Variants in MTHFD1L observed in about 807,000 individuals in gnomAD.
MTHFD1L encodes the protein methylenetetrahydrofolate dehydrogenase (NADP+ dependent) 1 like, also known as monofunctional C1-tetrahydrofolate synthase, mitochondrial.
MTHFD1L carries 81 observed loss-of-function variants against 119.5 expected under a neutral mutation model. The ratio of observed to expected loss-of-function variants is 0.68; its 90% CI spans 0.57 to 0.82. MTHFD1L has a LOEUF of 0.82. MTHFD1L is among the 40% of genes least tolerant of loss of function. MTHFD1L has a pLI of 0.00. For missense variants in MTHFD1L, 1,125 were observed against 1,253.4 expected (o/e 0.90, Z 1.55); for synonymous variants, 430 against 475.2 (o/e 0.90, Z 1.24).
chr6:150,916,480 TTTTTTTTTTTTTTTTTTTTG>T (rs1406165801), intron 8 of MTHFD1L, among the ~76,000 whole-genome samples: 1,373 of 51,556 alleles, frequency 0.027, 73 homozygotes, highest in East Asian at 0.061. Flanking sequence ...TTTTTTTTTT[TTTTTTTTTTTTTTTTTTTTG>T]GTATTTTTAG....
At chr6:151,057,274 C>T (rs1790085533) in intron 26 of MTHFD1L, 2 of 985,298 alleles carry the variant, frequency 2.0e-6, no homozygotes, top group Non-Finnish European at 2.4e-6. Context: ...AAATCAACCT[C>T]CCCTTTCTGG....
At position 150,937,032 on chromosome 6, in the gene MTHFD1L, C is replaced by T. The variant is rs1041762551; in HGVS notation, c.1393+92C>T. 9.6e-6 allele frequency: 14 copies of T among 1,458,162 alleles called. No individual in the cohort carries two copies. In the African/African-American group the frequency reaches 1.7e-4, roughly 18 times the overall value. 90.3% of individuals were successfully genotyped at this position (1,458,162 alleles called of 1,614,324 possible). A position where few individuals can be genotyped will look rare whatever the true frequency, so the allele number is the denominator to read the frequency against. On this transcript the variant is annotated intron_variant, in intron 12 of 27. Coordinates refer to ENST00000367321, the MANE Select transcript of MTHFD1L (RefSeq NM_015440.5). The stretch of plus-strand genomic sequence containing the variant: ...ATTGTCAACAGATAAAGAGTTAAGA[C>T]TTTTCAGGGGACTTGGTACATTTCT...
intron 26 of MTHFD1L, among the ~76,000 whole-genome samples, chr6:151,077,910 G>A (rs1457569605): frequency 6.6e-6 from 1 of 151,326 alleles, no homozygotes; most frequent in Non-Finnish European, 1.5e-5. Flanking sequence ...AATTAGCCGG[G>A]CGTGGTGGCA....
At chr6:150,934,160 T>G (rs1791648585) in intron 11 of MTHFD1L, among the ~76,000 whole-genome samples, 1 of 152,238 alleles carries the variant, frequency 6.6e-6, no homozygotes, top group Non-Finnish European at 1.5e-5. Flanking sequence ...TTACTAGCTG[T>G]GTGACTGTCG....
At chr6:151,083,841 A>C (rs1793465673) in intron 26 of MTHFD1L, among the ~76,000 whole-genome samples, 1 of 152,166 alleles carries the variant, frequency 6.6e-6, no homozygotes, top group Admixed American at 6.5e-5. Flanking sequence ...TTTAAGAAAA[A>C]AGCTCGAGTA....
chr6:151,089,638 G>A (rs1416303319), intron 26 of MTHFD1L, among the ~76,000 whole-genome samples: 1 of 152,174 alleles, frequency 6.6e-6, no homozygotes, highest in Non-Finnish European at 1.5e-5. Flanking sequence ...TAAGATGCCG[G>A]CAAATGCCAT....
In MTHFD1L at chr6:151,086,241, G is replaced by A. The variant is rs76347597; in HGVS notation, c.2848-6226G>A. On this transcript the variant is annotated intron_variant, in intron 26 of 27. Coordinates refer to ENST00000367321, the MANE Select transcript of MTHFD1L (RefSeq NM_015440.5). ...GCAAATAGAAATTGCAACTGTAGCA[G>A]CACAATCTATTTTCATTATATAGTG... Among the ~76,000 whole-genome samples, 743 of 152,196 alleles carry A rather than the reference G, an allele frequency of 4.9e-3. 6 individuals carry two copies. Among genetic ancestry groups the A allele is most frequent in the African/African-American group, 0.017 (700 of 41,530 alleles).
chr6:150,987,073 G>A (rs910028040), intron 20 of MTHFD1L, among the ~76,000 whole-genome samples: 1 of 152,134 alleles, frequency 6.6e-6, no homozygotes, highest in Non-Finnish European at 1.5e-5. Context: ...GGCTTTTAAT[G>A]TTAAAGTCTT....
At chr6:150,959,771 G>A (rs1471895287) in intron 17 of MTHFD1L, among the ~76,000 whole-genome samples, 1 of 152,154 alleles carries the variant, frequency 6.6e-6, no homozygotes, top group African/African-American at 2.4e-5. Context: ...TACTAACAAG[G>A]GAGGTGGCCC....
intron 2 of MTHFD1L, among the ~76,000 whole-genome samples, chr6:150,876,451 G>T (rs1032233878): frequency 1.3e-5 from 2 of 152,168 alleles, no homozygotes; most frequent in African/African-American, 4.8e-5. Context: ...AGGATATATC[G>T]TGGTCCATGT....
chr6:150,907,930 T>C (rs1289731305), intron 8 of MTHFD1L, among the ~76,000 whole-genome samples: 1 of 149,516 alleles, frequency 6.7e-6, no homozygotes, highest in Middle Eastern at 3.2e-3. Flanking sequence ...AGAGTCTTGC[T>C]CTGTCACCCT....
chr6:151,094,167 G>A (rs529029318), intron 27 of MTHFD1L, among the ~76,000 whole-genome samples: 6 of 152,138 alleles, frequency 3.9e-5, no homozygotes, highest in East Asian at 1.9e-4. Context: ...CAAGCACCCC[G>A]CCTCCTTCTC....
intron 26 of MTHFD1L, among the ~76,000 whole-genome samples, chr6:151,050,057 G>A (rs1296333286): frequency 6.6e-6 from 1 of 152,170 alleles, no homozygotes; most frequent in East Asian, 1.9e-4. Context: ...GACATGTGGA[G>A]CTTCCTGGAA....
chr6:151,021,095 G>A (rs771088644), intron 24 of MTHFD1L, among the ~76,000 whole-genome samples: 1 of 152,200 alleles, frequency 6.6e-6, no homozygotes, highest in Non-Finnish European at 1.5e-5. Flanking sequence ...TAAACCTTGA[G>A]TAGGCCTCCT....
intron 26 of MTHFD1L, among the ~76,000 whole-genome samples, chr6:151,047,183 A>T (rs2128565092): frequency 6.6e-6 from 1 of 152,342 alleles, no homozygotes; most frequent in Admixed American, 6.5e-5. Flanking sequence ...GATAGGAAAA[A>T]GAGTTAAGTT....
At chr6:150,998,686 A>G (rs1780159172) in intron 20 of MTHFD1L, among the ~76,000 whole-genome samples, 1 of 150,290 alleles carries the variant, frequency 6.7e-6, no homozygotes, top group Admixed American at 6.7e-5. Context: ...TATTAAAACT[A>G]TTGTCCAGGG....
chr6:150,872,167 C>T (rs910960758), intron 1 of MTHFD1L, among the ~76,000 whole-genome samples: 22 of 152,062 alleles, frequency 1.4e-4, no homozygotes, highest in African/African-American at 5.1e-4. Flanking sequence ...TGAGCCACTG[C>T]GCCCGGCCTA....
intron 26 of MTHFD1L, among the ~76,000 whole-genome samples, chr6:151,062,293 C>G (rs924321334): frequency 4.6e-5 from 7 of 152,116 alleles, no homozygotes; most frequent in Non-Finnish European, 1.0e-4. Context: ...AAAAAATTAG[C>G]CAGGCTTGGT....
At chr6:150,981,153 C>T (rs909968022) in intron 20 of MTHFD1L, among the ~76,000 whole-genome samples, 3 of 152,094 alleles carry the variant, frequency 2.0e-5, no homozygotes, top group Non-Finnish European at 4.4e-5. Context: ...GATGTGTGTC[C>T]TTGTCAGGCA....
Sources: gnomAD v4.1 joint callset for allele counts (sites outside exome capture counted in the v4.1 genomes callset) on GRCh38, gnomAD v4.1.1 for gene constraint, MANE v1.5 for transcripts, NCBI Gene and HGNC (gene_info 2026-07-23, HGNC 2026-07-21) for gene names.